Variants in COX7A1 observed in about 807,000 individuals in gnomAD.
COX7A1 encodes cytochrome c oxidase subunit 7A1, mitochondrial.
COX7A1 carries 21 observed loss-of-function variants against 13.2 expected under a neutral mutation model. The observed-to-expected ratio is 1.59, with a 90% CI of 1.13 to 2.29. The LOEUF is 2.29. COX7A1 is among the 30% of genes most tolerant of loss of function. The probability of loss-of-function intolerance (pLI) is 0.00; values close to 1 mark genes in which losing one functional copy is unlikely to be tolerated. For synonymous variants in COX7A1, 41 were observed against 41.9 expected (o/e 0.98, Z 0.08); for missense variants, 107 against 100.0 (o/e 1.07, Z -0.30).
In COX7A1 at chr19:36,151,707, A is replaced by G; in HGVS notation, c.64T>C (p.Phe22Leu). 6.3e-7 allele frequency: 1 copy of G among 1,583,440 alleles called. No individual in the cohort carries two copies. Among genetic ancestry groups the G allele is most frequent in the Non-Finnish European group, 8.6e-7 (1 of 1,164,158 alleles). Residue 22 changes from phenylalanine (F) to leucine (L), a missense_variant, in exon 2 of 4, where the codon TTT (phenylalanine) becomes CTT (leucine). By Grantham distance (22) the Phe-to-Leu change is conservative. Transcript: ENST00000292907. ...RSFSSTARNR[F>L]QNRVREKQKL... is the part of the protein sequence containing the mutation. ...TGTTTCTCGCGCACTCGGTTCTGAAAGCGGTTCCGGGCGGTGGAGCTGAAG... is the reference window on the plus strand; with the variant it reads ...TGTTTCTCGCGCACTCGGTTCTGAAGGCGGTTCCGGGCGGTGGAGCTGAAG...
In COX7A1 at chr19:36,152,386, G is replaced by A. The variant is rs776175188; in HGVS notation, c.15+7C>T. 4 of 1,358,722 alleles carry A rather than the reference G, an allele frequency of 2.9e-6. No homozygotes were observed. Among genetic ancestry groups the A allele is most frequent in the East Asian group, 2.9e-5 (1 of 34,808 alleles). 84.2% of individuals were successfully genotyped at this position (1,358,722 alleles called of 1,614,324 possible). On this transcript the variant is annotated splice_region_variant and intron_variant, in intron 1 of 3. Transcript: ENST00000292907. ...GGGGGCTCCGGCCCAGCCCATGGGG[G>A]CCTCACCCGAAGGGCCTGCATTCTG...
At chr19:36,151,056 GA>G (rs1326297758) in intron 3 of COX7A1, 22 bp from the exon 4 acceptor site, 1 of 1,610,860 alleles carries the variant, frequency 6.2e-7, no homozygotes, top group East Asian at 2.2e-5. Context: ...AAGCGTTGGA[GA>G]CAGAATGAGA....
At chr19:36,151,919 T>A (rs1295318830) in intron 1 of COX7A1, 164 bp from the exon 2 acceptor site, 1 of 761,486 alleles carries the variant, frequency 1.3e-6, no homozygotes, top group East Asian at 2.7e-5. Context: ...AACTGCCAGC[T>A]GGGTTGGGAG....
rs1974771427 is a variant in COX7A1 at position 36,151,649 on chromosome 19, C to CACCCCCCCCG, written c.102+10_102+19dup. 7.2e-7 allele frequency: 1 copy of CACCCCCCCCG among 1,397,658 alleles called. No homozygotes were observed. Among genetic ancestry groups the CACCCCCCCCG allele is most frequent in the Admixed American group, 2.2e-5 (1 of 45,942 alleles). The allele number at this position is 1,397,658 out of a possible 1,614,324, so 86.6% of individuals were successfully genotyped here. A position where few individuals can be genotyped will look rare whatever the true frequency, so the allele number is the denominator to read the frequency against. ...GCTCCCGGCTGGCGCGTCGGATCCC[C>CACCCCCCCCG]ACCCCCCCCGACCCCCCACCTGGAA... On this transcript the variant is annotated intron_variant, in intron 2 of 3. Transcript: ENST00000292907.
chr19:36,152,288 G>T, intron 1 of COX7A1, 105 bp downstream of exon 1: 1 of 815,962 alleles, frequency 1.2e-6, no homozygotes, highest in Non-Finnish European at 1.7e-6. Context: ...GGCCCTGAAG[G>T]TGGCTCACGT....
intron 1 of COX7A1, 152 bp downstream of exon 1, chr19:36,152,241 G>A (rs550766986): frequency 6.3e-4 from 356 of 565,740 alleles, no homozygotes; most frequent in African/African-American, 4.7e-3. Flanking sequence ...AGTGGATTGT[G>A]GGGGAAGGGA....
At chr19:36,151,373 ATCCTGGTCAG>A (rs1974764744) in intron 3 of COX7A1, 79 bp downstream of exon 3, 1 of 1,435,276 alleles carries the variant, frequency 7.0e-7, no homozygotes, top group Non-Finnish European at 9.7e-7. Flanking sequence ...CCCAACCCAG[ATCCTGGTCAG>A]TCCTGCCCAG....
Position 36,151,722 on chromosome 19 carries a change from TGGAGCTGAA to T in COX7A1, c.40_48del (p.Phe14_Ser16del). 2 of 1,360,972 alleles carry T rather than the reference TGGAGCTGAA, an allele frequency of 1.5e-6. No homozygotes were observed. Among genetic ancestry groups the T allele is most frequent in the Non-Finnish European group, 2.0e-6 (2 of 1,024,458 alleles). The allele number at this position is 1,360,972 out of a possible 1,614,324, so 84.3% of individuals were successfully genotyped here. On this transcript the variant is annotated inframe_deletion, in exon 2 of 4. Transcript: ENST00000292907. ...CGGTTCTGAAAGCGGTTCCGGGCGG[TGGAGCTGAA>T]GGAGCGGATCAGCGCCTGGGACACC...
chr19:36,151,760 G>A lies in COX7A1; in HGVS notation c.16-5C>T. 2 of 1,592,792 alleles carry A rather than the reference G, an allele frequency of 1.3e-6. No homozygotes were observed. Among genetic ancestry groups the A allele is most frequent in the Non-Finnish European group, 8.5e-7 (1 of 1,170,074 alleles). ...GCGGATCAGCGCCTGGGACACCTGCGGGGTGGGAGGTGGGCGGGTATTGGA... is the reference window on the plus strand; with the variant it reads ...GCGGATCAGCGCCTGGGACACCTGCAGGGTGGGAGGTGGGCGGGTATTGGA... On this transcript the variant is annotated splice_polypyrimidine_tract_variant and splice_region_variant and intron_variant, in intron 1 of 3. Transcript: ENST00000292907.
intron 2 of COX7A1, 33 bp from the exon 3 acceptor site, chr19:36,151,579 G>T (rs1974769735): frequency 6.2e-7 from 1 of 1,613,028 alleles, no homozygotes; most frequent in East Asian, 2.2e-5. Context: ...AGAAAGGGGT[G>T]CTGGCTGCTC....
intron 3 of COX7A1, 92 bp from the exon 4 acceptor site, chr19:36,151,126 G>A (rs1241979960): frequency 7.6e-7 from 1 of 1,313,858 alleles, no homozygotes; most frequent in Non-Finnish European, 1.1e-6. Flanking sequence ...CTGGTTCCCA[G>A]CCTGGACCCC....
intron 1 of COX7A1, chr19:36,152,022 C>A: frequency 6.5e-6 from 4 of 611,622 alleles, no homozygotes. Flanking sequence ...TCTGGGGGGC[C>A]TAAGTCCTGA....
At position 36,151,548 on chromosome 19, in the gene COX7A1, T is replaced by C. The variant is rs780576270; in HGVS notation, c.103-2A>G. On this transcript the variant is annotated splice_acceptor_variant, in intron 2 of 3. Transcript: ENST00000292907. LOFTEE classifies it high-confidence loss of function. ...GTACAACGGGATGTCATTGTCCTCC[T>C]GGATGTGGGGGTGTCTGATGAGAAA... is the stretch of plus-strand genomic sequence containing the variant. The C allele has an allele frequency of 8.1e-6, 13 of 1,614,158 alleles. No homozygotes were observed. In the Middle Eastern group the frequency reaches 1.5e-3, roughly 184 times the overall value.
intron 3 of COX7A1, among the ~76,000 whole-genome samples, 200 bp downstream of exon 3, chr19:36,151,262 A>T (rs1974763010): frequency 6.6e-6 from 1 of 150,766 alleles, no homozygotes; most frequent in South Asian, 2.1e-4. Context: ...CCCACCACTA[A>T]CCCAGCCCCC....
intron 3 of COX7A1, 122 bp from the exon 4 acceptor site, chr19:36,151,156 G>T: frequency 1.9e-6 from 2 of 1,039,706 alleles, no homozygotes; most frequent in Non-Finnish European, 2.8e-6. Context: ...TCGGACTCCA[G>T]CTCCCTTCCC....
rs779060338 is a variant in COX7A1 at position 36,151,664 on chromosome 19, C to CG, written c.102+4_102+5insC. On this transcript the variant is annotated splice_donor_region_variant and intron_variant, in intron 2 of 3. Coordinates refer to ENST00000292907, the MANE Select transcript of COX7A1 (RefSeq NM_001864.4). The stretch of plus-strand genomic sequence containing the variant: ...GTCGGATCCCCACCCCCCCCGACCC[C>CG]CCACCTGGAAGAGCTTCTGTTTCTC... 6.1e-5 allele frequency: 96 copies of CG among 1,582,768 alleles called. No homozygotes were observed. Among genetic ancestry groups the CG allele is most frequent in the East Asian group, 5.5e-4 (24 of 43,582 alleles).
rs774812314 is a variant in COX7A1, at chr19:36,151,559, G to A, written c.103-13C>T. 6.2e-7 allele frequency: 1 copy of A among 1,614,116 alleles called. No homozygotes were observed. Among genetic ancestry groups the A allele is most frequent in the Admixed American group, 1.7e-5 (1 of 60,014 alleles). ...TGTCATTGTCCTCCTGGATGTGGGG[G>A]TGTCTGATGAGAAAGGGGTGCTGGC... On this transcript the variant is annotated splice_polypyrimidine_tract_variant and intron_variant, in intron 2 of 3. Transcript: ENST00000292907.
chr19:36,151,141 C>G, intron 3 of COX7A1, 107 bp from the exon 4 acceptor site: 1 of 1,134,360 alleles, frequency 8.8e-7, no homozygotes, highest in South Asian at 1.5e-5. Context: ...GACCCCAGCT[C>G]TAGTTCGGAC....
chr19:36,150,947 G>A lies in COX7A1; in HGVS notation c.*35C>T, dbSNP rs1391107782. On this transcript the variant is annotated 3_prime_UTR_variant, in exon 4 of 4. Coordinates refer to ENST00000292907, the MANE Select transcript of COX7A1 (RefSeq NM_001864.4). ...CAGAGGCCAGCGTTTATTGACACTT[G>A]TTCAAGTCTCTCAGGCCCCCCAGGC... 6.2e-7 allele frequency: 1 copy of A among 1,604,742 alleles called. No homozygotes were observed. Among genetic ancestry groups the A allele is most frequent in the Admixed American group, 1.7e-5 (1 of 59,986 alleles).
Sources: allele counts gnomAD v4.1 joint callset (sites outside exome capture counted in the v4.1 genomes callset), GRCh38; gene constraint gnomAD v4.1.1; transcripts MANE v1.5; gene names NCBI Gene and HGNC (gene_info 2026-07-23, HGNC 2026-07-21).